The following CCDC148 variants were observed in gnomAD, a reference collection of about 807,000 sequenced individuals.
CCDC148 encodes the protein coiled-coil domain-containing protein 148.
In CCDC148, 89 loss-of-function variants were observed where a neutral mutation model predicts 85.7. The ratio of observed to expected loss-of-function variants is 1.04; its 90% CI spans 0.87 to 1.24. The LOEUF (loss-of-function observed/expected upper bound fraction) is 1.24. CCDC148 is among the 50% of genes most tolerant of loss of function. The probability of loss-of-function intolerance (pLI) is 0.00; values close to 1 mark genes in which losing one functional copy is unlikely to be tolerated. For synonymous variants in CCDC148, 230 were observed against 213.9 expected (o/e 1.08, Z -0.66); for missense variants, 692 against 671.7 (o/e 1.03, Z -0.33).
chr2:158,250,587 C>A (rs1322753964), intron 10 of CCDC148, among the ~76,000 whole-genome samples, 185 bp downstream of exon 10: 1 of 150,130 alleles, frequency 6.7e-6, no homozygotes, highest in African/African-American at 2.5e-5. Context: ...AAAGTGGGTT[C>A]TCCTCCATGT....
intron 7 of CCDC148, among the ~76,000 whole-genome samples, chr2:158,331,196 C>G (rs938134903): frequency 1.3e-5 from 2 of 152,128 alleles, no homozygotes; most frequent in Non-Finnish European, 2.9e-5. Flanking sequence ...CCCAGAGATT[C>G]TGGTAGGTTG....
chr2:158,305,524 T>C lies in CCDC148; in HGVS notation c.1110+3909A>G, dbSNP rs549921875. 5.9e-5 allele frequency among the ~76,000 whole-genome samples: 9 copies of C among 152,206 alleles called. No homozygotes were observed. In the South Asian group the frequency reaches 1.5e-3, roughly 25 times the overall value. On this transcript the variant is annotated intron_variant, in intron 9 of 13. Coordinates refer to ENST00000283233, the MANE Select transcript of CCDC148 (RefSeq NM_138803.4). Reference sequence around the variant, plus strand: ...GCTTTGGGAAGCCAACGCAGGAAGATTGCTTGAGGCCAGAAGCTCAAGACC... The same window carrying C: ...GCTTTGGGAAGCCAACGCAGGAAGACTGCTTGAGGCCAGAAGCTCAAGACC...
At chr2:158,455,299 G>T (rs991100098) in intron 1 of CCDC148, among the ~76,000 whole-genome samples, 2 of 152,004 alleles carry the variant, frequency 1.3e-5, no homozygotes, top group Non-Finnish European at 2.9e-5. Context: ...ATATTTAGGG[G>T]GAACATACAC....
In CCDC148 at chr2:158,250,854, G is replaced by C; in HGVS notation, c.1169C>G (p.Ala390Gly). The change falls in exon 10 of 14, where the codon GCC (alanine) becomes GGC (glycine). Residue 390 changes from alanine to glycine, a missense_variant. Coordinates refer to ENST00000283233, the MANE Select transcript of CCDC148 (RefSeq NM_138803.4). ...EVARLEMEIS[A>G]RRREKEEEKE... ...CTCCTCTTCCTTTTCTCTTCTTCTGGCAGAAATTTCCATTTCCAGTCTTGC... is the reference window on the plus strand; with the variant it reads ...CTCCTCTTCCTTTTCTCTTCTTCTGCCAGAAATTTCCATTTCCAGTCTTGC... The C allele has an allele frequency of 6.2e-7, 1 of 1,600,020 alleles. No individual in the cohort carries two copies. The highest frequency in any genetic ancestry group is 8.5e-7 in the Non-Finnish European group (1 of 1,175,106).
intron 7 of CCDC148, among the ~76,000 whole-genome samples, chr2:158,338,222 A>G (rs1682488062): frequency 1.3e-5 from 2 of 152,172 alleles, no homozygotes; most frequent in Non-Finnish European, 2.9e-5. Context: ...ACCATGCAGA[A>G]GTGGATAATC....
chr2:158,204,961 C>A (rs1686162043), intron 11 of CCDC148, among the ~76,000 whole-genome samples: 1 of 152,142 alleles, frequency 6.6e-6, no homozygotes, highest in Non-Finnish European at 1.5e-5. Flanking sequence ...GTAGGAGGGG[C>A]AGGACTCCAG....
chr2:158,289,338 A>G (rs1353464658), intron 9 of CCDC148, among the ~76,000 whole-genome samples: 1 of 152,236 alleles, frequency 6.6e-6, no homozygotes, highest in African/African-American at 2.4e-5. Flanking sequence ...ACAAAGAACT[A>G]ATATGCAAAA....
intron 2 of CCDC148, among the ~76,000 whole-genome samples, chr2:158,356,711 C>G (rs2105264570): frequency 6.8e-6 from 1 of 146,820 alleles, no homozygotes; most frequent in East Asian, 2.0e-4. Flanking sequence ...TACCATTTGA[C>G]CCAGCAATCC....
chr2:158,339,147 A>G (rs954540579), intron 5 of CCDC148, 62 bp from the exon 6 acceptor site: 2 of 1,195,782 alleles, frequency 1.7e-6, no homozygotes, highest in Non-Finnish European at 2.5e-6. Flanking sequence ...ATTTATATTT[A>G]AAGACACAAT....
intron 11 of CCDC148, among the ~76,000 whole-genome samples, chr2:158,194,546 C>T (rs1432762999): frequency 6.6e-6 from 1 of 152,082 alleles, no homozygotes; most frequent in Non-Finnish European, 1.5e-5. Flanking sequence ...AATGAGGATT[C>T]CTGGGCCTGC....
At chr2:158,388,516 C>T (rs915867591) in intron 1 of CCDC148, among the ~76,000 whole-genome samples, 6 of 152,102 alleles carry the variant, frequency 3.9e-5, no homozygotes, top group Non-Finnish European at 5.9e-5. Context: ...TATTTTGAGA[C>T]GGAGCTTCAC....
At chr2:158,194,411 C>T (rs1478861951) in intron 11 of CCDC148, among the ~76,000 whole-genome samples, 1 of 152,124 alleles carries the variant, frequency 6.6e-6, no homozygotes, top group Non-Finnish European at 1.5e-5. Context: ...AAACTCTGTG[C>T]CTCTTTAACA....
chr2:158,238,564 A>G (rs1338333401), intron 10 of CCDC148, among the ~76,000 whole-genome samples: 1 of 152,178 alleles, frequency 6.6e-6, no homozygotes, highest in African/African-American at 2.4e-5. Flanking sequence ...TACTTCAACT[A>G]TGATCATATT....
rs569319160 is a variant in CCDC148 at position 158,341,360 on chromosome 2, GCAGTGGCA to G, written c.252-688_252-681del. On this transcript the variant is annotated intron_variant, in intron 3 of 13. Transcript: ENST00000283233. ...CTCGCTTGATCGCCCAGGCTGGAGT[GCAGTGGCA>G]CAATCTCAGTTCACTGAAACCTCCA... is the stretch of plus-strand genomic sequence containing the variant. Among the ~76,000 whole-genome samples, 1,131 of 149,188 alleles carry G rather than the reference GCAGTGGCA, an allele frequency of 7.6e-3. 19 individuals are homozygous for G. The highest frequency in any genetic ancestry group is 0.026 in the African/African-American group (1,058 of 40,234).
At chr2:158,185,456 G>A (rs936237471) in intron 11 of CCDC148, among the ~76,000 whole-genome samples, 5 of 152,044 alleles carry the variant, frequency 3.3e-5, no homozygotes, top group African/African-American at 7.2e-5. Flanking sequence ...GAATTATTTC[G>A]GCAGCTCCAA....
chr2:158,433,089 A>ATATATATAT (rs57003336), intron 1 of CCDC148, among the ~76,000 whole-genome samples: 6,677 of 63,228 alleles, frequency 0.11, 226 homozygotes, highest in Non-Finnish European at 0.16. Context: ...AAAAAAAAAA[A>ATATATATAT]AAATATATAT....
intron 9 of CCDC148, among the ~76,000 whole-genome samples, chr2:158,267,326 C>A (rs957131896): frequency 6.6e-6 from 1 of 152,148 alleles, no homozygotes; most frequent in Non-Finnish European, 1.5e-5. Flanking sequence ...CTTGCCTAGA[C>A]TCAGCTCAAG....
At chr2:158,207,830 G>A (rs1276760137) in intron 11 of CCDC148, among the ~76,000 whole-genome samples, 1 of 152,134 alleles carries the variant, frequency 6.6e-6, no homozygotes, top group African/African-American at 2.4e-5. Context: ...CAGTCAAGAT[G>A]CTGGCTGAAA....
intron 1 of CCDC148, among the ~76,000 whole-genome samples, chr2:158,427,076 A>T (rs982733053): frequency 6.6e-6 from 1 of 152,218 alleles, no homozygotes; most frequent in Non-Finnish European, 1.5e-5. Flanking sequence ...AATAAAAATA[A>T]TAAAGAAATA....
Sources: allele counts gnomAD v4.1 joint callset (sites outside exome capture counted in the v4.1 genomes callset), GRCh38; gene constraint gnomAD v4.1.1; transcripts MANE v1.5; gene names NCBI Gene and HGNC (gene_info 2026-07-23, HGNC 2026-07-21).